GALM: variants seen among roughly 807,000 people sequenced by gnomAD.
GALM encodes aldose 1-epimerase.
In GALM, 43 loss-of-function variants were observed where a neutral mutation model predicts 37.4. That is an observed-to-expected ratio of 1.15 (90% CI 0.90 to 1.48). GALM has a LOEUF of 1.48. Among genes scored for constraint, GALM ranks in the 40% most tolerant of loss-of-function variants. GALM has a pLI of 0.00. For missense variants in GALM, 456 were observed against 419.1 expected (o/e 1.09, Z -0.77); for synonymous variants, 199 against 170.6 (o/e 1.17, Z -1.30).
intron 1 of GALM, chr2:38,668,866 C>T (rs1207490170): frequency 6.6e-6 from 1 of 151,870 alleles, no homozygotes; most frequent in Non-Finnish European, 1.5e-5. Context: ...TACCATATCC[C>T]AAAAATGGTT....
At chr2:38,692,652 C>T (rs989367727) in intron 4 of GALM, among the ~76,000 whole-genome samples, 10 of 152,146 alleles carry the variant, frequency 6.6e-5, no homozygotes, top group African/African-American at 2.4e-4. Context: ...CTGCTGGGCT[C>T]TCTAGGAGTT....
Position 38,715,927 on chromosome 2 carries a change from C to G in GALM, c.635-13629C>G, listed in dbSNP as rs1000724970. Among the ~76,000 whole-genome samples the G allele has an allele frequency of 2.6e-5, 4 of 152,298 alleles. No individual in the cohort carries two copies. The South Asian group carries it at 6.2e-4, about 24-fold the overall frequency. On this transcript the variant is annotated intron_variant, in intron 4 of 6. Coordinates refer to ENST00000272252, the MANE Select transcript of GALM (RefSeq NM_138801.3). ...TATCCCCATTTTACAGATGAGGTAA[C>G]CAAGCTTCAGAGAAGCTAAGCAGCC... is the stretch of plus-strand genomic sequence containing the variant.
intron 3 of GALM, among the ~76,000 whole-genome samples, chr2:38,683,857 G>T (rs577423229): frequency 6.6e-6 from 1 of 152,250 alleles, no homozygotes; most frequent in East Asian, 1.9e-4. Context: ...GTGAGCCACC[G>T]CACCTGGCCC....
chr2:38,684,813 C>CA (rs1665483345), intron 3 of GALM, among the ~76,000 whole-genome samples: 1 of 151,482 alleles, frequency 6.6e-6, no homozygotes, highest in Non-Finnish European at 1.5e-5. Context: ...TTTTTATAAA[C>CA]AATAAAAACA....
chr2:38,711,723 T>TC (rs1666165396), intron 4 of GALM, among the ~76,000 whole-genome samples: 1 of 4,826 alleles, frequency 2.1e-4, no homozygotes, highest in African/African-American at 7.6e-4. Flanking sequence ...TCACCATCAC[T>TC]ATCAACACCA....
intron 4 of GALM, among the ~76,000 whole-genome samples, chr2:38,718,142 A>C (rs1666305590): frequency 6.6e-6 from 1 of 150,976 alleles, no homozygotes; most frequent in Non-Finnish European, 1.5e-5. Context: ...CAGCCAGAAG[A>C]CAGTTTCCAA....
chr2:38,706,440 C>T (rs1367094856), intron 4 of GALM, among the ~76,000 whole-genome samples: 2 of 145,550 alleles, frequency 1.4e-5, no homozygotes, highest in African/African-American at 5.1e-5. Flanking sequence ...TTTGGGAGGT[C>T]GAGGCAGGTG....
intron 1 of GALM, among the ~76,000 whole-genome samples, chr2:38,670,671 G>C (rs1320434343): frequency 6.6e-6 from 1 of 152,192 alleles, no homozygotes; most frequent in Non-Finnish European, 1.5e-5. Flanking sequence ...TCTCTGATCA[G>C]AGGGAGCAAC....
At chr2:38,729,759 T>A (rs935380898) in intron 5 of GALM, 62 bp downstream of exon 5, 22 of 1,407,470 alleles carry the variant, frequency 1.6e-5, no homozygotes, top group Non-Finnish European at 2.2e-5. Context: ...CTATTTTCCT[T>A]TGGAGCTTTT....
At chr2:38,710,075 G>T (rs1666117241) in intron 4 of GALM, among the ~76,000 whole-genome samples, 1 of 152,214 alleles carries the variant, frequency 6.6e-6, no homozygotes, top group Non-Finnish European at 1.5e-5. Context: ...CAGAGCAGCA[G>T]CCCACCTGAA....
intron 2 of GALM, 116 bp from the exon 3 acceptor site, chr2:38,681,164 T>C (rs1665384915): frequency 5.8e-6 from 5 of 857,972 alleles, no homozygotes; most frequent in Non-Finnish European, 9.7e-6. Context: ...CATTAAAAAG[T>C]CTTAATTGAT....
chr2:38,691,713 A>G (rs1395569891), intron 4 of GALM, among the ~76,000 whole-genome samples: 1 of 148,850 alleles, frequency 6.7e-6, no homozygotes, highest in East Asian at 2.0e-4. Context: ...TATATGTGTT[A>G]TATTTCAGTA....
chr2:38,733,484 A>G lies in GALM; in HGVS notation c.952-4A>G, dbSNP rs1177029898. 1 of 1,613,280 alleles carries G rather than the reference A, an allele frequency of 6.2e-7. No individual in the cohort carries two copies. Among genetic ancestry groups the G allele is most frequent in the Non-Finnish European group, 8.5e-7 (1 of 1,179,464 alleles). On this transcript the variant is annotated splice_polypyrimidine_tract_variant and splice_region_variant and intron_variant, in intron 6 of 6. Coordinates refer to ENST00000272252, the MANE Select transcript of GALM (RefSeq NM_138801.3). ...GCATCACCTGTGTTGTTTCCCCTTC[A>G]CAGCCCCGCTTCCCTCCTGTGCTGC...
At chr2:38,682,210 C>T (rs1475058316) in intron 3 of GALM, 9 of 420,422 alleles carry the variant, frequency 2.1e-5, no homozygotes, top group Non-Finnish European at 3.4e-5. Flanking sequence ...CTTAAGTGAT[C>T]CCTTCTGAAC....
intron 4 of GALM, among the ~76,000 whole-genome samples, chr2:38,695,761 T>A (rs1291725819): frequency 6.6e-6 from 1 of 152,152 alleles, no homozygotes; most frequent in African/African-American, 2.4e-5. Context: ...TGGCTCGATC[T>A]CAGCTCTCTG....
intron 1 of GALM, chr2:38,671,544 C>T (rs759122561): frequency 7.9e-5 from 12 of 152,206 alleles, no homozygotes; most frequent in Admixed American, 2.0e-4. Context: ...CCCCCCTGAT[C>T]CAATTACCTC....
At chr2:38,711,403 C>T (rs1417858684) in intron 4 of GALM, among the ~76,000 whole-genome samples, 10 of 151,976 alleles carry the variant, frequency 6.6e-5, no homozygotes, top group East Asian at 1.9e-4. Flanking sequence ...TCAGGTGATC[C>T]GCCCACCTCG....
intron 4 of GALM, among the ~76,000 whole-genome samples, chr2:38,703,076 ATATATATATATATATATTTTTTTTT>A: frequency 3.7e-4 from 2 of 5,362 alleles, no homozygotes; most frequent in Non-Finnish European, 4.5e-4. Context: ...ATATATATAT[ATATATATATATATATATTTTTTTTT>A]TTTTTTTTTT....
chr2:38,714,215 G>T (rs1333197850), intron 4 of GALM, among the ~76,000 whole-genome samples: 23 of 151,634 alleles, frequency 1.5e-4, no homozygotes, highest in Non-Finnish European at 2.9e-4. Context: ...TTTTTTTGCG[G>T]GGGGGTTGTT....
Sources: allele counts gnomAD v4.1 joint callset (sites outside exome capture counted in the v4.1 genomes callset), GRCh38; gene constraint gnomAD v4.1.1; transcripts MANE v1.5; gene names NCBI Gene and HGNC (gene_info 2026-07-23, HGNC 2026-07-21).